The following KSR2 variants were observed in gnomAD, a reference collection of about 807,000 sequenced individuals.
KSR2 encodes kinase suppressor of ras 2.
A neutral mutation model predicts 107.8 loss-of-function variants in KSR2; 25 were observed. The observed-to-expected ratio is 0.23, with a 90% CI of 0.17 to 0.32. The LOEUF (loss-of-function observed/expected upper bound fraction) is 0.32. Ranked by LOEUF, KSR2 falls within the 10% of genes least tolerant of loss-of-function variation. The pLI is 1.00. For synonymous variants in KSR2, 480 were observed against 507.0 expected, an observed-to-expected ratio of 0.95 and a Z score of 0.71; for missense variants, 887 against 1,268.9, an observed-to-expected ratio of 0.70 and a Z score of 4.57.
At chr12:117,882,998 T>C (rs1396367388) in intron 1 of KSR2, among the ~76,000 whole-genome samples, 2 of 152,036 alleles carry the variant, frequency 1.3e-5, no homozygotes, top group African/African-American at 2.4e-5. Context: ...AATCCAACCA[T>C]ACAGTCAACC....
At chr12:117,792,751 A>G (rs975656130) in intron 3 of KSR2, among the ~76,000 whole-genome samples, 1 of 152,146 alleles carries the variant, frequency 6.6e-6, no homozygotes, top group Non-Finnish European at 1.5e-5. Flanking sequence ...TGATTGATGC[A>G]CCCAATCATA....
chr12:117,926,244 C>A (rs1895515417), intron 1 of KSR2, among the ~76,000 whole-genome samples: 1 of 152,180 alleles, frequency 6.6e-6, no homozygotes, highest in Admixed American at 6.5e-5. Context: ...ACCCAGCTCT[C>A]TCCCCATCCC....
intron 19 of KSR2, among the ~76,000 whole-genome samples, chr12:117,468,263 G>A (rs1269146997): frequency 6.6e-6 from 1 of 152,172 alleles, no homozygotes; most frequent in Non-Finnish European, 1.5e-5. Flanking sequence ...CTCTACACGT[G>A]GCCACATGGG....
intron 1 of KSR2, among the ~76,000 whole-genome samples, chr12:117,893,191 T>C (rs4767637): frequency 0.15 from 22,984 of 151,952 alleles, 2,307 homozygotes; most frequent in East Asian, 0.48. Flanking sequence ...CTAAGTTTTG[T>C]ATTTTTGGTA....
At chr12:117,793,784 C>CCAACATGCACACATG (rs1463644396) in intron 3 of KSR2, among the ~76,000 whole-genome samples, 2 of 142,638 alleles carry the variant, frequency 1.4e-5, no homozygotes, top group African/African-American at 5.3e-5. Context: ...CATGCACACA[C>CCAACATGCACACATG]CAACATGCAC....
chr12:117,697,693 T>C (rs1364095103), intron 4 of KSR2, among the ~76,000 whole-genome samples: 2 of 142,092 alleles, frequency 1.4e-5, no homozygotes, highest in East Asian at 4.1e-4. Context: ...TCAGCCGAGA[T>C]CGCGCCACTG....
At chr12:117,512,246 TCTAAGCTG>T (rs1337498830) in intron 14 of KSR2, among the ~76,000 whole-genome samples, 3 of 152,188 alleles carry the variant, frequency 2.0e-5, no homozygotes, top group Non-Finnish European at 4.4e-5. Context: ...AACACCAGCC[TCTAAGCTG>T]CTGACCACTC....
rs898853680 is a variant in KSR2, at chr12:117,764,280, A to C, written c.473-2756T>G. ...AAGGAAAAAAAAATTCCATAAGACC[A>C]TATTTAATGGTTCATTGTCTGTTTT... On this transcript the variant is annotated intron_variant, in intron 3 of 19. Coordinates refer to ENST00000339824, the MANE Select transcript of KSR2 (RefSeq NM_173598.6). Among the ~76,000 whole-genome samples, 8 of 152,022 alleles carry C rather than the reference A, an allele frequency of 5.3e-5. No individual in the cohort carries two copies. The East Asian group carries it at 9.7e-4, about 18-fold the overall frequency.
At chr12:117,832,216 G>A (rs572561463) in intron 3 of KSR2, among the ~76,000 whole-genome samples, 2 of 152,256 alleles carry the variant, frequency 1.3e-5, no homozygotes, top group South Asian at 4.1e-4. Flanking sequence ...TCCAGGAGGC[G>A]GAGTTTGCAG....
chr12:117,875,432 G>A (rs1452549073), intron 1 of KSR2, among the ~76,000 whole-genome samples: 1 of 151,408 alleles, frequency 6.6e-6, no homozygotes, highest in Non-Finnish European at 1.5e-5. Flanking sequence ...GCCCTTGCAA[G>A]AACCATCCCT....
chr12:117,539,804 G>C lies in KSR2; in HGVS notation c.1602C>G (p.Pro534=), dbSNP rs1007507863. Residue 534 remains proline (P), a synonymous_variant, in exon 10 of 20, where the codon CCC becomes CCG. Transcript: ENST00000339824. The part of the protein sequence containing the change: ...TTSSTPSSPA[P]PLPPSATPPS... ...GCGGCGTGGCACTAGGAGGGAGGGG[G>C]GGTGCTGGCGAGGAGGGCGTGGAGG... The C allele has an allele frequency of 6.2e-7, 1 of 1,608,494 alleles. No homozygotes were observed. Among genetic ancestry groups the C allele is most frequent in the South Asian group, 1.1e-5 (1 of 90,624 alleles).
At chr12:117,746,881 G>A (rs493884) in intron 4 of KSR2, among the ~76,000 whole-genome samples, 86,382 of 151,798 alleles carry the variant, frequency 0.57, 25,014 homozygotes, top group South Asian at 0.76. Context: ...ACCACAATGA[G>A]ATACCATCTC....
chr12:117,684,175 A>T lies in KSR2; in HGVS notation c.987-16517T>A, dbSNP rs114959532. 9.1e-3 allele frequency among the ~76,000 whole-genome samples: 1,378 copies of T among 152,096 alleles called. 17 individuals carry two copies. Among genetic ancestry groups the T allele is most frequent in the African/African-American group, 0.031 (1,275 of 41,474 alleles). On this transcript the variant is annotated intron_variant, in intron 4 of 19. Coordinates refer to ENST00000339824, the MANE Select transcript of KSR2 (RefSeq NM_173598.6). ...TTTATCTAGTGTCTCTCCTTTCCTC[A>T]TCCTGACCCACCCCTCCTGGTATGG...
chr12:117,949,308 A>G (rs1273013971), intron 1 of KSR2, among the ~76,000 whole-genome samples: 1 of 40,612 alleles, frequency 2.5e-5, no homozygotes, highest in Non-Finnish European at 5.5e-5. Flanking sequence ...TGTTAAGAGG[A>G]AAAAAAAAAA....
intron 3 of KSR2, among the ~76,000 whole-genome samples, chr12:117,784,959 A>T (rs904375825): frequency 1.3e-5 from 2 of 152,192 alleles, no homozygotes; most frequent in Middle Eastern, 3.2e-3. Flanking sequence ...CTCTAACCAG[A>T]CTACTGACTG....
intron 3 of KSR2, among the ~76,000 whole-genome samples, chr12:117,848,310 G>A (rs1566047766): frequency 1.3e-5 from 2 of 152,214 alleles, no homozygotes; most frequent in African/African-American, 4.8e-5. Flanking sequence ...GAAGGTCTAG[G>A]AAGGGACCCT....
chr12:117,761,410 G>C lies in KSR2; in HGVS notation c.587C>G (p.Ser196Cys). 6.2e-7 allele frequency: 1 copy of C among 1,609,318 alleles called. No individual in the cohort carries two copies. Among genetic ancestry groups the C allele is most frequent in the Non-Finnish European group, 8.5e-7 (1 of 1,178,840 alleles). ...EPTPWIRTHL[S>C]QSPRVPSKCV... ...CTTGGACGGGACCCTGGGGCTCTGG[G>C]AGAGATGGGTGCGGATCCACGGGGT... The change falls in exon 4 of 20, where the codon TCC (serine) becomes TGC (cysteine). Residue 196 changes from serine to cysteine, a missense_variant. By Grantham distance (112) the Ser-to-Cys change is moderately radical. Transcript: ENST00000339824.
At chr12:117,958,694 G>A (rs779433736) in intron 1 of KSR2, among the ~76,000 whole-genome samples, 9 of 152,216 alleles carry the variant, frequency 5.9e-5, no homozygotes, top group African/African-American at 1.2e-4. Context: ...GGTGGAATGC[G>A]CCTGTAATCC....
At chr12:117,966,609 T>TCACACACA (rs1347077824) in intron 1 of KSR2, among the ~76,000 whole-genome samples, 10 of 98,214 alleles carry the variant, frequency 1.0e-4, no homozygotes, top group African/African-American at 4.4e-4. Context: ...TCTCTCTCTC[T>TCACACACA]CTCACACGCG....
Sources: allele counts gnomAD v4.1 joint callset (sites outside exome capture counted in the v4.1 genomes callset), GRCh38; gene constraint gnomAD v4.1.1; transcripts MANE v1.5; gene names NCBI Gene and HGNC (gene_info 2026-07-23, HGNC 2026-07-21).